The following PREX1 variants were observed in gnomAD, a reference collection of about 807,000 sequenced individuals.
PREX1 encodes the protein phosphatidylinositol-3,4,5-trisphosphate dependent Rac exchange factor 1.
Under a neutral mutation model 198.3 loss-of-function variants are expected in PREX1, and 41 were observed. That is an observed-to-expected ratio of 0.21 (90% CI 0.16 to 0.27). The LOEUF is 0.27. PREX1 is among the 10% of genes least tolerant of loss of function. The pLI is 1.00. For synonymous variants in PREX1, 843 were observed against 887.2 expected (o/e 0.95, Z 0.89); for missense variants, 1,620 against 2,200.7 (o/e 0.74, Z 5.28).
At chr20:48,747,577 G>A (rs1156319671) in intron 2 of PREX1, among the ~76,000 whole-genome samples, 1 of 152,204 alleles carries the variant, frequency 6.6e-6, no homozygotes, top group African/African-American at 2.4e-5. Flanking sequence ...GTTGGAAAGT[G>A]GGGCCCGGGG....
intron 29 of PREX1, among the ~76,000 whole-genome samples, chr20:48,641,824 A>AAGAGAGAG (rs1173427956): frequency 2.2e-4 from 25 of 114,944 alleles, no homozygotes; most frequent in African/African-American, 8.9e-4. Flanking sequence ...GAAAGAAAGA[A>AAGAGAGAG]AGAGAGAGAG....
At chr20:48,768,381 T>C (rs2090218662) in intron 1 of PREX1, among the ~76,000 whole-genome samples, 2 of 152,048 alleles carry the variant, frequency 1.3e-5, no homozygotes, top group Non-Finnish European at 2.9e-5. Flanking sequence ...ACTGGACGCA[T>C]CTCAAAAACA....
intron 30 of PREX1, among the ~76,000 whole-genome samples, chr20:48,639,193 G>A (rs551180862): frequency 3.5e-4 from 54 of 152,360 alleles, no homozygotes; most frequent in Non-Finnish European, 6.9e-4. Context: ...TCGGCCCCAC[G>A]TACACAGAGC....
intron 1 of PREX1, among the ~76,000 whole-genome samples, chr20:48,793,284 T>A (rs965227043): frequency 6.6e-6 from 1 of 151,990 alleles, no homozygotes; most frequent in Non-Finnish European, 1.5e-5. Context: ...TAATGGGGAG[T>A]GACTACCAAT....
chr20:48,653,366 C>A lies in PREX1; in HGVS notation c.2341G>T (p.Ala781Ser). Residue 781 changes from alanine to serine, a missense_variant, in exon 20 of 40, where the codon GCC (alanine) becomes TCC (serine). Transcript: ENST00000371941. ...CCGGTTTCCAGTAAACTTACCAGGG[C>A]CTCTTCGCGCCGACTCCGGAATGCC... ...FQAFRSRREEALGLYQWIYHT... is the reference protein window; with the variant it reads ...FQAFRSRREESLGLYQWIYHT... The A allele has an allele frequency of 3.7e-6, 6 of 1,612,456 alleles. No homozygotes were observed. Among genetic ancestry groups the A allele is most frequent in the Non-Finnish European group, 5.1e-6 (6 of 1,178,696 alleles).
intron 1 of PREX1, among the ~76,000 whole-genome samples, chr20:48,825,519 A>C (rs2090505004): frequency 6.6e-6 from 1 of 152,146 alleles, no homozygotes; most frequent in South Asian, 2.1e-4. Context: ...TTCTTGAATA[A>C]TAAGAATGGT....
intron 37 of PREX1, among the ~76,000 whole-genome samples, 167 bp downstream of exon 37, chr20:48,629,282 G>A (rs531703640): frequency 3.2e-4 from 48 of 152,320 alleles, no homozygotes; most frequent in African/African-American, 1.1e-3. Context: ...CTGCCATTCC[G>A]TTTCACAGAC....
chr20:48,695,115 T>C (rs1212301745), intron 7 of PREX1, among the ~76,000 whole-genome samples: 1 of 152,204 alleles, frequency 6.6e-6, no homozygotes, highest in Non-Finnish European at 1.5e-5. Flanking sequence ...CACACCTGTA[T>C]CAACATGTTT....
rs2089817641 is a variant in PREX1, at chr20:48,691,207, A to G, written c.1037-111T>C. The G allele has an allele frequency of 7.3e-7, 1 of 1,370,766 alleles. No individual in the cohort carries two copies. The highest frequency in any genetic ancestry group is 1.9e-5 in the Admixed American group (1 of 53,118). 84.9% of individuals were successfully genotyped at this position (1,370,766 alleles called of 1,614,324 possible). Reference sequence around the variant, plus strand: ...CACAGGCAGGGCCCTCGCCTGGATCAGGATGGGGAGCTGGACTTCCAGCCC... The same window carrying G: ...CACAGGCAGGGCCCTCGCCTGGATCGGGATGGGGAGCTGGACTTCCAGCCC... On this transcript the variant is annotated intron_variant, in intron 8 of 39. Coordinates refer to ENST00000371941, the MANE Select transcript of PREX1 (RefSeq NM_020820.4). The surrounding 1 kb of genome is among the most constrained non-coding windows in gnomAD (Gnocchi z 5.0).
chr20:48,776,224 T>G (rs902868566), intron 1 of PREX1, among the ~76,000 whole-genome samples: 8 of 152,058 alleles, frequency 5.3e-5, no homozygotes, highest in African/African-American at 1.9e-4. Flanking sequence ...TAATGAGGAA[T>G]GAGGCTAAAA....
intron 3 of PREX1, among the ~76,000 whole-genome samples, chr20:48,742,670 G>A (rs1291149180): frequency 6.6e-6 from 1 of 152,168 alleles, no homozygotes; most frequent in East Asian, 1.9e-4. Context: ...AGGGTCCCAG[G>A]TAGCAGAAGA....
intron 14 of PREX1, among the ~76,000 whole-genome samples, chr20:48,675,450 G>A (rs1280784898): frequency 6.6e-6 from 1 of 152,198 alleles, no homozygotes; most frequent in Non-Finnish European, 1.5e-5. Context: ...AAAAAGGAAG[G>A]AGATTCCAAC....
chr20:48,881,195 A>G, the PREX1 span, among the ~76,000 whole-genome samples: 2 of 152,086 alleles, frequency 1.3e-5, no homozygotes. Context: ...CAGATGGGCC[A>G]TGAGTTGATA....
chr20:48,847,916 A>C, the PREX1 span, among the ~76,000 whole-genome samples: 4 of 152,204 alleles, frequency 2.6e-5, no homozygotes, highest in African/African-American at 7.2e-5. Flanking sequence ...CAATGTTTTT[A>C]GATTTCTCCA....
At chr20:48,824,457 G>A (rs1317373269) in intron 1 of PREX1, among the ~76,000 whole-genome samples, 4 of 152,212 alleles carry the variant, frequency 2.6e-5, no homozygotes, top group South Asian at 4.2e-4. Context: ...CTTCCTCCAG[G>A]AAGCCCTCTC....
intron 16 of PREX1, among the ~76,000 whole-genome samples, chr20:48,659,528 C>G (rs1435492379): frequency 7.2e-5 from 11 of 152,100 alleles, no homozygotes; most frequent in Admixed American, 7.2e-4. Context: ...GGCTTCAGCT[C>G]CAACCCTGGC....
the PREX1 span, among the ~76,000 whole-genome samples, chr20:48,845,327 T>A: frequency 6.6e-6 from 1 of 151,880 alleles, no homozygotes; most frequent in Non-Finnish European, 1.5e-5. Flanking sequence ...CTAGATAAGG[T>A]GATCAGGGGA....
At chr20:48,679,813 G>GC (rs1409690847) in intron 11 of PREX1, 59 bp from the exon 12 acceptor site, 11 of 1,371,336 alleles carry the variant, frequency 8.0e-6, no homozygotes, top group East Asian at 2.3e-5. Flanking sequence ...TCCCAGCCAC[G>GC]CCCCCCAGCA....
At chr20:48,808,403 C>A (rs2090421389) in intron 1 of PREX1, among the ~76,000 whole-genome samples, 1 of 152,202 alleles carries the variant, frequency 6.6e-6, no homozygotes, top group Admixed American at 6.5e-5. Flanking sequence ...AGAAAAGCAG[C>A]CAGGACTCGA....
Sources: allele counts gnomAD v4.1 joint callset (sites outside exome capture counted in the v4.1 genomes callset), GRCh38; gene constraint gnomAD v4.1.1; non-coding constraint Gnocchi (gnomAD v3.1); transcripts MANE v1.5; gene names NCBI Gene and HGNC (gene_info 2026-07-23, HGNC 2026-07-21).